ENOX1: variants seen among roughly 807,000 people sequenced by gnomAD.
The protein encoded by ENOX1 is candidate growth-related and time keeping constitutive hydroquinone (NADH) oxidase.
Under a neutral mutation model 82.5 loss-of-function variants are expected in ENOX1, and 42 were observed. The observed-to-expected ratio is 0.51, with a 90% CI of 0.40 to 0.66. The LOEUF (loss-of-function observed/expected upper bound fraction) is 0.66, where lower values mean the gene tolerates loss of function less well. Among genes scored for constraint, ENOX1 ranks in the 30% least tolerant of loss-of-function variants. The probability of loss-of-function intolerance (pLI) is 0.00; values close to 1 mark genes in which losing one functional copy is unlikely to be tolerated. For missense variants in ENOX1, 608 were observed against 811.6 expected, an observed-to-expected ratio of 0.75 and a Z score of 3.05; for synonymous variants, 271 against 282.2, an observed-to-expected ratio of 0.96 and a Z score of 0.40.
intron 1 of ENOX1, among the ~76,000 whole-genome samples, chr13:43,717,205 C>A (rs1309776097): frequency 3.3e-5 from 5 of 152,076 alleles, no homozygotes; most frequent in Admixed American, 3.3e-4. Context: ...CACAGACCAA[C>A]AGAATAGCAT....
At chr13:43,381,493 A>AG (rs539544627) in intron 5 of ENOX1, among the ~76,000 whole-genome samples, 135 of 151,398 alleles carry the variant, frequency 8.9e-4, no homozygotes, top group African/African-American at 3.2e-3. Flanking sequence ...ACCTTAAAAA[A>AG]AAAAGAGCAA....
Position 43,777,222 on chromosome 13 carries a change from G to A in ENOX1, c.-285+9430C>T, listed in dbSNP as rs771240249. On this transcript the variant is annotated intron_variant, in intron 1 of 16. Coordinates refer to ENST00000690772, the MANE Select transcript of ENOX1 (RefSeq NM_001347969.2). ...GCTATGCAGAATCCACATTGGAAGG[G>A]GTTGGGGAATTTATTCTCTGTTACG... Among the ~76,000 whole-genome samples, 67 of 152,154 alleles carry A rather than the reference G, an allele frequency of 4.4e-4. 2 individuals carry two copies. The highest frequency in any genetic ancestry group is 3.3e-4 in the Admixed American group (5 of 15,270).
At chr13:43,383,172 A>T (rs909968110) in intron 5 of ENOX1, among the ~76,000 whole-genome samples, 1 of 152,172 alleles carries the variant, frequency 6.6e-6, no homozygotes, top group African/African-American at 2.4e-5. Context: ...AGTGATGCTA[A>T]TTCTCACTCT....
At chr13:43,513,770 T>C (rs2077459329) in intron 2 of ENOX1, among the ~76,000 whole-genome samples, 1 of 151,956 alleles carries the variant, frequency 6.6e-6, no homozygotes, top group African/African-American at 2.4e-5. Context: ...TTAAAATCAA[T>C]AAAAAAGGAG....
intron 14 of ENOX1, among the ~76,000 whole-genome samples, chr13:43,251,023 C>A (rs974726058): frequency 2.6e-5 from 4 of 152,078 alleles, no homozygotes; most frequent in Non-Finnish European, 5.9e-5. Flanking sequence ...CTTGGACCTG[C>A]CCAGTGGAAA....
intron 1 of ENOX1, among the ~76,000 whole-genome samples, chr13:43,675,202 C>T (rs2085451783): frequency 6.6e-6 from 1 of 152,130 alleles, no homozygotes; most frequent in African/African-American, 2.4e-5. Context: ...GTCTAGTCTA[C>T]AGTAGTAGCA....
At chr13:43,760,563 G>T (rs1950907764) in intron 1 of ENOX1, among the ~76,000 whole-genome samples, 1 of 151,740 alleles carries the variant, frequency 6.6e-6, no homozygotes, top group Non-Finnish European at 1.5e-5. Flanking sequence ...TTTTCTTTAG[G>T]GCCCGTTGAC....
intron 2 of ENOX1, among the ~76,000 whole-genome samples, chr13:43,576,582 GAAAAA>G: frequency 6.7e-6 from 1 of 149,242 alleles, no homozygotes; most frequent in South Asian, 2.1e-4. Flanking sequence ...TACTGCTACT[GAAAAA>G]AAAAATGTGG....
At chr13:43,231,786 T>C (rs1441310374) in intron 15 of ENOX1, among the ~76,000 whole-genome samples, 1 of 152,236 alleles carries the variant, frequency 6.6e-6, no homozygotes, top group Non-Finnish European at 1.5e-5. Context: ...ATCTATGAAC[T>C]TCTTGAGGGG....
intron 5 of ENOX1, among the ~76,000 whole-genome samples, chr13:43,408,055 T>A (rs144110394): frequency 6.6e-6 from 1 of 152,286 alleles, no homozygotes; most frequent in Non-Finnish European, 1.5e-5. Flanking sequence ...TGATCTCAAG[T>A]AGCACTTCCT....
At chr13:43,445,861 C>T (rs2056624893) in intron 3 of ENOX1, among the ~76,000 whole-genome samples, 3 of 152,300 alleles carry the variant, frequency 2.0e-5, no homozygotes, top group South Asian at 4.2e-4. Flanking sequence ...TTCAGCTAAG[C>T]TCTGGCTCCT....
At chr13:43,408,236 A>G (rs954438567) in intron 5 of ENOX1, among the ~76,000 whole-genome samples, 1 of 152,212 alleles carries the variant, frequency 6.6e-6, no homozygotes, top group Non-Finnish European at 1.5e-5. Context: ...ATTTCCTGGG[A>G]AATCCTTTTG....
intron 11 of ENOX1, among the ~76,000 whole-genome samples, chr13:43,299,387 A>T (rs2046448161): frequency 6.6e-6 from 1 of 152,184 alleles, no homozygotes; most frequent in Admixed American, 6.5e-5. Flanking sequence ...GAAAATCAAC[A>T]TAGCCTGCTG....
At chr13:43,283,649 T>C (rs2153493228) in intron 12 of ENOX1, among the ~76,000 whole-genome samples, 1 of 150,728 alleles carries the variant, frequency 6.6e-6, no homozygotes, top group East Asian at 1.9e-4. Flanking sequence ...GGGGTCTCAG[T>C]ATGTTGACCA....
intron 2 of ENOX1, among the ~76,000 whole-genome samples, chr13:43,533,101 A>G (rs2078300835): frequency 6.6e-6 from 1 of 152,088 alleles, no homozygotes; most frequent in South Asian, 2.1e-4. Flanking sequence ...TAGCCCTGGA[A>G]TATACATACA....
chr13:43,420,167 A>G (rs536502944), intron 3 of ENOX1, among the ~76,000 whole-genome samples: 4 of 152,332 alleles, frequency 2.6e-5, no homozygotes, highest in Non-Finnish European at 4.4e-5. Flanking sequence ...AGTCAGTGCC[A>G]TACTCTCGAG....
chr13:43,338,964 C>T (rs936620339), intron 9 of ENOX1, among the ~76,000 whole-genome samples: 1 of 152,154 alleles, frequency 6.6e-6, no homozygotes, highest in Non-Finnish European at 1.5e-5. Flanking sequence ...GGATTACAGG[C>T]GTGAGCCACC....
intron 12 of ENOX1, among the ~76,000 whole-genome samples, chr13:43,273,206 C>A (rs1011776141): frequency 6.6e-6 from 1 of 152,158 alleles, no homozygotes; most frequent in Non-Finnish European, 1.5e-5. Flanking sequence ...TTGAAGTCAA[C>A]GCTGGCCCTT....
At position 43,425,275 on chromosome 13, in the gene ENOX1, C is replaced by T. The variant is rs951621819; in HGVS notation, c.-74-12287G>A. On this transcript the variant is annotated intron_variant, in intron 3 of 16. Coordinates refer to ENST00000690772, the MANE Select transcript of ENOX1 (RefSeq NM_001347969.2). ...CCCAGAAAACCTCCATGGAGGCTCC[C>T]ACCCCCATCAAAAGAGATGAGAGAA... 5.3e-5 allele frequency among the ~76,000 whole-genome samples: 8 copies of T among 152,100 alleles called. No individual in the cohort carries two copies. The East Asian group carries it at 1.5e-3, about 29-fold the overall frequency.
Sources: allele counts gnomAD v4.1 joint callset (sites outside exome capture counted in the v4.1 genomes callset), GRCh38; gene constraint gnomAD v4.1.1; transcripts MANE v1.5; gene names NCBI Gene and HGNC (gene_info 2026-07-23, HGNC 2026-07-21).